Variants in SEMA5A observed in about 807,000 individuals in gnomAD.
The protein encoded by SEMA5A is semaphorin 5A.
In SEMA5A, 55 loss-of-function variants were observed where a neutral mutation model predicts 135.5. The ratio of observed to expected loss-of-function variants is 0.41; its 90% CI spans 0.33 to 0.51. SEMA5A has a LOEUF of 0.51. SEMA5A is among the 20% of genes least tolerant of loss of function. SEMA5A has a pLI of 0.37. For missense variants in SEMA5A, 1,290 were observed against 1,419.9 expected, an observed-to-expected ratio of 0.91 and a Z score of 1.47; for synonymous variants, 580 against 546.5, an observed-to-expected ratio of 1.06 and a Z score of -0.85.
rs533720766 is a variant in SEMA5A at position 9,523,819 on chromosome 5, C to T, written c.-175+21765G>A. On this transcript the variant is annotated intron_variant, in intron 1 of 22. Transcript: ENST00000382496. The stretch of plus-strand genomic sequence containing the variant: ...CACCTCCAGGTCATCCTCTGTGCTC[C>T]GCTCCCTTACAGATGGTGTACAGGG... 9.2e-5 allele frequency among the ~76,000 whole-genome samples: 14 copies of T among 152,316 alleles called. No homozygotes were observed. The East Asian group carries it at 1.7e-3, about 19-fold the overall frequency.
chr5:9,136,426 C>T (rs1579458944), intron 13 of SEMA5A, 78 bp downstream of exon 13: 1 of 1,192,992 alleles, frequency 8.4e-7, no homozygotes, highest in East Asian at 2.3e-5. Flanking sequence ...GACAGCGTGA[C>T]AGTGTGACTG....
intron 10 of SEMA5A, among the ~76,000 whole-genome samples, chr5:9,194,447 A>T (rs2150354553): frequency 6.6e-6 from 1 of 152,320 alleles, no homozygotes; most frequent in East Asian, 1.9e-4. Context: ...ACAAGAATTT[A>T]AAAAATCTAA....
In SEMA5A at chr5:9,224,712, G is replaced by A. The variant is rs2150416313; in HGVS notation, c.608C>T (p.Pro203Leu). 2 of 1,614,188 alleles carry A rather than the reference G, an allele frequency of 1.2e-6. No homozygotes were observed. Among genetic ancestry groups the A allele is most frequent in the Non-Finnish European group, 1.7e-6 (2 of 1,180,048 alleles). ...AIYRSLGILP[P>L]LRTAQYNSKW... ...GGAGTTGTACTGCGCCGTGCGGAGA[G>A]GAGGTAAAATGCCTAGGCTTCGGTA... Residue 203 changes from proline (P) to leucine (L), a missense_variant, in exon 8 of 23, where the codon CCT (proline) becomes CTT (leucine). This residue lies in a region of SEMA5A where 145 missense variants were observed against 212.0 expected (regional missense o/e 0.68). Coordinates refer to ENST00000382496, the MANE Select transcript of SEMA5A (RefSeq NM_003966.3).
At chr5:9,208,979 G>C (rs1746200074) in intron 8 of SEMA5A, among the ~76,000 whole-genome samples, 1 of 152,130 alleles carries the variant, frequency 6.6e-6, no homozygotes, top group Non-Finnish European at 1.5e-5. Context: ...TGGAAAGACA[G>C]TTCTAGCACA....
rs543716966 is a variant in SEMA5A, at chr5:9,131,733, G to A, written c.1599+4771C>T. ...GAATCCAGCCATTCATGAGAGATTC[G>A]CCCCCATGACCTAAACACCTCCCAC... On this transcript the variant is annotated intron_variant, in intron 13 of 22. Transcript: ENST00000382496. Among the ~76,000 whole-genome samples, 10 of 141,762 alleles carry A rather than the reference G, an allele frequency of 7.1e-5. No individual in the cohort carries two copies. The East Asian group carries it at 8.9e-4, about 13-fold the overall frequency. The allele number at this position is 141,762 out of a possible 152,430, so 93.0% of individuals were successfully genotyped here.
intron 12 of SEMA5A, among the ~76,000 whole-genome samples, chr5:9,140,243 C>T (rs1741990907): frequency 6.6e-6 from 1 of 152,110 alleles, no homozygotes; most frequent in Admixed American, 6.5e-5. Context: ...AAAACTTGAA[C>T]CTGTATTTTT....
intron 8 of SEMA5A, among the ~76,000 whole-genome samples, chr5:9,203,235 T>G (rs1207391361): frequency 2.7e-5 from 4 of 149,730 alleles, no homozygotes; most frequent in Non-Finnish European, 4.4e-5. Context: ...AGCAAGTATC[T>G]TAATTTTCTG....
chr5:9,251,618 C>G (rs1748792870), intron 5 of SEMA5A, among the ~76,000 whole-genome samples: 2 of 152,126 alleles, frequency 1.3e-5, no homozygotes, highest in African/African-American at 4.8e-5. Context: ...ATGTATACGG[C>G]AGAAAGCCAT....
intron 5 of SEMA5A, among the ~76,000 whole-genome samples, chr5:9,256,070 C>T (rs921454525): frequency 2.0e-5 from 3 of 152,214 alleles, no homozygotes; most frequent in African/African-American, 7.2e-5. Context: ...GCGTCCATTT[C>T]TCTACCAGTA....
chr5:9,275,887 C>T (rs191866982), intron 5 of SEMA5A, among the ~76,000 whole-genome samples: 71 of 149,320 alleles, frequency 4.8e-4, no homozygotes, highest in Non-Finnish European at 7.3e-4. Context: ...ACTGAATGGG[C>T]GAAAAACTGG....
chr5:9,238,235 C>T (rs775656652), intron 5 of SEMA5A, among the ~76,000 whole-genome samples: 23 of 152,028 alleles, frequency 1.5e-4, no homozygotes, highest in Non-Finnish European at 3.1e-4. Context: ...TAGACCCAGA[C>T]GAGGCTTAAG....
intron 16 of SEMA5A, among the ~76,000 whole-genome samples, chr5:9,097,633 G>A (rs189207366): frequency 6.6e-6 from 1 of 152,294 alleles, no homozygotes; most frequent in African/African-American, 2.4e-5. Context: ...CATTGAATGA[G>A]CAGAGCTAAT....
intron 1 of SEMA5A, among the ~76,000 whole-genome samples, chr5:9,475,464 A>G (rs1181558794): frequency 6.6e-6 from 1 of 152,208 alleles, no homozygotes; most frequent in Non-Finnish European, 1.5e-5. Flanking sequence ...TACATTCTCT[A>G]ATTTTGAGCA....
intron 8 of SEMA5A, among the ~76,000 whole-genome samples, chr5:9,208,525 A>G (rs1275740262): frequency 1.3e-5 from 2 of 152,204 alleles, no homozygotes; most frequent in African/African-American, 4.8e-5. Context: ...GGCAGCTGGG[A>G]GAAACAGAGG....
chr5:9,525,806 G>A lies in SEMA5A; in HGVS notation c.-175+19778C>T, dbSNP rs188553856. Among the ~76,000 whole-genome samples, 21 of 152,202 alleles carry A rather than the reference G, an allele frequency of 1.4e-4. No individual in the cohort carries two copies. The South Asian group carries it at 1.7e-3, about 12-fold the overall frequency. Reference sequence around the variant, plus strand: ...AGAAATTGTATCTTTTTTTCTTTACGCATGAATCAATAGAAGGATATGTAA... The same window carrying A: ...AGAAATTGTATCTTTTTTTCTTTACACATGAATCAATAGAAGGATATGTAA... On this transcript the variant is annotated intron_variant, in intron 1 of 22. Transcript: ENST00000382496.
intron 5 of SEMA5A, among the ~76,000 whole-genome samples, chr5:9,291,589 GAGAGAGAGAGAGAGAA>G (rs144990753): frequency 0.11 from 15,398 of 146,218 alleles, 980 homozygotes; most frequent in Non-Finnish European, 0.15. Context: ...AAGCAGGAAA[GAGAGAGAGAGAGAGAA>G]AGAGAGAGAG....
Position 9,066,614 on chromosome 5 carries a change from A to G in SEMA5A, c.2106T>C (p.Pro702=), listed in dbSNP as rs762990881. The G allele has an allele frequency of 1.2e-6, 2 of 1,614,136 alleles. No homozygotes were observed. The highest frequency in any genetic ancestry group is 1.1e-5 in the South Asian group (1 of 91,080). ...TCCAGGGCGTGGTCTTCTTCAGCTCAGGACACGGGTTGGTGTTGCAAGACT... is the reference window on the plus strand; with the variant it reads ...TCCAGGGCGTGGTCTTCTTCAGCTCGGGACACGGGTTGGTGTTGCAAGACT... ...EYQSCNTNPC[P]ELKKTTPWTP... is the part of the protein sequence containing the mutation. The change falls in exon 17 of 23, where the codon CCT becomes CCC. Residue 702 remains proline (P), a synonymous_variant. Transcript: ENST00000382496.
intron 21 of SEMA5A, among the ~76,000 whole-genome samples, chr5:9,050,119 G>A (rs1344200067): frequency 6.6e-6 from 1 of 152,190 alleles, no homozygotes; most frequent in Non-Finnish European, 1.5e-5. Flanking sequence ...ACCTTCCCAT[G>A]AGGTCCTGAT....
intron 11 of SEMA5A, among the ~76,000 whole-genome samples, chr5:9,188,828 A>G (rs1184748494): frequency 4.9e-5 from 5 of 101,866 alleles, no homozygotes; most frequent in Non-Finnish European, 9.1e-5. Context: ...TTGACCTCCC[A>G]TCCCCTCCAG....
Sources: allele counts gnomAD v4.1 joint callset (sites outside exome capture counted in the v4.1 genomes callset), GRCh38; gene constraint gnomAD v4.1.1; regional missense constraint gnomAD v4.1.1; transcripts MANE v1.5; gene names NCBI Gene and HGNC (gene_info 2026-07-23, HGNC 2026-07-21).